The following TMEM184A variants were observed in gnomAD, a reference collection of about 807,000 sequenced individuals.
TMEM184A encodes the protein sexually dimorphic, expressed in male gonads 1.
A neutral mutation model predicts 39.5 loss-of-function variants in TMEM184A; 40 were observed. That is an observed-to-expected ratio of 1.01 (90% CI 0.79 to 1.32). The LOEUF is 1.32. Ranked by LOEUF, TMEM184A falls within the 40% of genes most tolerant of loss-of-function variation. The pLI, the probability that TMEM184A is intolerant of heterozygous loss-of-function variation, is 0.00. For missense variants in TMEM184A, 603 were observed against 568.8 expected, an observed-to-expected ratio of 1.06 and a Z score of -0.61; for synonymous variants, 280 against 252.3, an observed-to-expected ratio of 1.11 and a Z score of -1.04.
Position 1,543,932 on chromosome 7 carries a change from C to T in TMEM184A, c.*3020G>A, listed in dbSNP as rs1271956863. On this transcript the variant is annotated 3_prime_UTR_variant, in exon 9 of 9. Coordinates refer to ENST00000297477, the MANE Select transcript of TMEM184A (RefSeq NM_001097620.2). ...ACAGGTGTGAGCCACTGCACCCGAT[C>T]ATAATCCCAACTCGCAGCATCTGTG... 2 of 152,270 alleles carry T rather than the reference C, an allele frequency of 1.3e-5. No homozygotes were observed. The highest frequency in any genetic ancestry group is 4.8e-5 in the African/African-American group (2 of 41,438). The allele number at this position is 152,270 out of a possible 1,614,324, so 9.4% of individuals were successfully genotyped here. A position where few individuals can be genotyped will look rare whatever the true frequency, so the allele number is the denominator to read the frequency against.
Position 1,555,408 on chromosome 7 carries a change from G to C in TMEM184A, c.77C>G (p.Pro26Arg). 6.2e-7 allele frequency: 1 copy of C among 1,611,684 alleles called. No individual in the cohort carries two copies. The highest frequency in any genetic ancestry group is 8.5e-7 in the Non-Finnish European group (1 of 1,179,616). Residue 26 changes from proline to arginine, a missense_variant, in exon 2 of 9, where the codon CCA (proline) becomes CGA (arginine). Coordinates refer to ENST00000297477, the MANE Select transcript of TMEM184A (RefSeq NM_001097620.2). This position sits in a 1 kb window ranked among gnomAD's most constrained non-coding sequence, Gnocchi z 5.2. Reference protein sequence around the residue: ...VSANWPQPSPPPAVPAGPQMD... With the variant: ...VSANWPQPSPRPAVPAGPQMD... ...CTGCGGCCCAGCTGGCACAGCCGGTGGGGGGCTGGGCTGCGGCCAGTTCGC... is the reference window on the plus strand; with the variant it reads ...CTGCGGCCCAGCTGGCACAGCCGGTCGGGGGCTGGGCTGCGGCCAGTTCGC...
chr7:1,547,188 G>T lies in TMEM184A; in HGVS notation c.1013-7C>A. 2 of 1,543,014 alleles carry T rather than the reference G, an allele frequency of 1.3e-6. No individual in the cohort carries two copies. The highest frequency in any genetic ancestry group is 1.8e-6 in the Non-Finnish European group (2 of 1,129,304). Reference sequence around the variant, plus strand: ...TGCATGGGTGCCGGGGGGGCTGGGGGAGGGCAGTGTATGAGCCCCACCATC... The same window carrying T: ...TGCATGGGTGCCGGGGGGGCTGGGGTAGGGCAGTGTATGAGCCCCACCATC... On this transcript the variant is annotated splice_polypyrimidine_tract_variant and splice_region_variant and intron_variant, in intron 8 of 8. Coordinates refer to ENST00000297477, the MANE Select transcript of TMEM184A (RefSeq NM_001097620.2).
chr7:1,547,986 A>C (rs949728998), intron 7 of TMEM184A, 47 bp from the exon 8 acceptor site: 2 of 1,533,416 alleles, frequency 1.3e-6, no homozygotes, highest in Admixed American at 2.0e-5. Context: ...CGGGGTCTGC[A>C]GGGGAGGAAG....
At position 1,542,695 on chromosome 7, in the gene TMEM184A, G is replaced by A. The variant is rs544041187; in HGVS notation, c.*4257C>T. On this transcript the variant is annotated 3_prime_UTR_variant, in exon 9 of 9. Transcript: ENST00000297477. The stretch of plus-strand genomic sequence containing the variant: ...GGATTTTTTTATTTAAGAAAAAGAC[G>A]AGGGACTCTTTGTCACGTGGGTTTG... 1.3e-5 allele frequency: 2 copies of A among 152,604 alleles called. No individual in the cohort carries two copies. The highest frequency in any genetic ancestry group is 2.1e-4 in the South Asian group (1 of 4,826). The allele number at this position is 152,604 out of a possible 1,614,324, so 9.5% of individuals were successfully genotyped here. A position where few individuals can be genotyped will look rare whatever the true frequency, so the allele number is the denominator to read the frequency against.
rs989582029 is a variant in TMEM184A at position 1,548,701 on chromosome 7, G to A, written c.645-13C>T. 9 of 1,611,106 alleles carry A rather than the reference G, an allele frequency of 5.6e-6. No homozygotes were observed. The highest frequency in any genetic ancestry group is 7.6e-6 in the Non-Finnish European group (9 of 1,179,042). ...GCCGCTGCGGACACTAGGACAGACG[G>A]GGGCTGTGGTCAGGGCGGTCCCATG... On this transcript the variant is annotated splice_polypyrimidine_tract_variant and intron_variant, in intron 6 of 8. Transcript: ENST00000297477.
rs375070534 is a variant in TMEM184A, at chr7:1,550,109, G to A, written c.552+14C>T. 1.8e-4 allele frequency: 295 copies of A among 1,595,644 alleles called. No homozygotes were observed. Among genetic ancestry groups the A allele is most frequent in the Non-Finnish European group, 2.3e-4 (270 of 1,172,572 alleles). On this transcript the variant is annotated intron_variant, in intron 5 of 8. Coordinates refer to ENST00000297477, the MANE Select transcript of TMEM184A (RefSeq NM_001097620.2). ...GGGTGGGAGGAGGGCGGGCAGGGCT[G>A]GGTGGCCCCTCACCTGCTTACAGAA...
At position 1,544,222 on chromosome 7, in the gene TMEM184A, C is replaced by G. The variant is rs1014990830; in HGVS notation, c.*2730G>C. 2.0e-5 allele frequency: 3 copies of G among 152,228 alleles called. No individual in the cohort carries two copies. The highest frequency in any genetic ancestry group is 4.4e-5 in the Non-Finnish European group (3 of 68,070). The allele number at this position is 152,228 out of a possible 1,614,324, so 9.4% of individuals were successfully genotyped here. ...GAGTTGGGGGCACAGAGCCCCAGCC[C>G]TGTGTGGGGCTCCTGGAGGCTGCGG... On this transcript the variant is annotated 3_prime_UTR_variant, in exon 9 of 9. Transcript: ENST00000297477.
In TMEM184A at chr7:1,550,283, GGCTCT is replaced by G. The variant is rs746922206; in HGVS notation, c.476+17_476+21del. 11 of 1,611,448 alleles carry G rather than the reference GGCTCT, an allele frequency of 6.8e-6. No individual in the cohort carries two copies. Among genetic ancestry groups the G allele is most frequent in the African/African-American group, 1.3e-5 (1 of 74,852 alleles). On this transcript the variant is annotated intron_variant, in intron 4 of 8. Transcript: ENST00000297477. ...CTGTCCCAGGTGTGTGGGGTGTGGG[GGCTCT>G]GGGGTGACGGGCTTACTTGATGGGC...
rs181643583 is a variant in TMEM184A, at chr7:1,555,842, C to G, written c.-1+272G>C. On this transcript the variant is annotated intron_variant, in intron 1 of 8. Transcript: ENST00000297477. This position sits in a 1 kb window ranked among gnomAD's most constrained non-coding sequence, Gnocchi z 5.2. ...GGGAACCCCTGCCGCCCTGCCTGCC[C>G]GGGAGGGCTGGGGAGCGGGCGCAGA... is the stretch of plus-strand genomic sequence containing the variant. The G allele has an allele frequency of 1.6e-4, 52 of 327,890 alleles. No homozygotes were observed. The highest frequency in any genetic ancestry group is 9.6e-4 in the African/African-American group (43 of 44,928). 20.3% of individuals were successfully genotyped at this position (327,890 alleles called of 1,614,324 possible).
chr7:1,544,337 G>C lies in TMEM184A; in HGVS notation c.*2615C>G, dbSNP rs10273306. The C allele has an allele frequency of 1, 152,297 of 152,458 alleles. 76,069 individuals carry two copies. Among genetic ancestry groups the C allele is most frequent in the Middle Eastern group, 1 (298 of 298 alleles). 9.4% of individuals were successfully genotyped at this position (152,458 alleles called of 1,614,324 possible). A position where few individuals can be genotyped will look rare whatever the true frequency, so the allele number is the denominator to read the frequency against. ...GGCCAGGGCCCCCAGGGCTTCCACC[G>C]TTTCTTGTGGATGCTGGGGATTTTC... On this transcript the variant is annotated 3_prime_UTR_variant, in exon 9 of 9. Coordinates refer to ENST00000297477, the MANE Select transcript of TMEM184A (RefSeq NM_001097620.2).
chr7:1,550,653 T>G (rs1784553045), intron 3 of TMEM184A, among the ~76,000 whole-genome samples, 164 bp downstream of exon 3: 1 of 152,014 alleles, frequency 6.6e-6, no homozygotes, highest in Non-Finnish European at 1.5e-5. Flanking sequence ...CAGTCGTGTG[T>G]TCCAGGCCTG....
At position 1,546,779 on chromosome 7, in the gene TMEM184A, G is replaced by A; in HGVS notation, c.*173C>T. 1 of 550,422 alleles carries A rather than the reference G, an allele frequency of 1.8e-6. No homozygotes were observed. The highest frequency in any genetic ancestry group is 3.2e-6 in the Non-Finnish European group (1 of 317,318). 34.1% of individuals were successfully genotyped at this position (550,422 alleles called of 1,614,324 possible). ...ACCTGGGTGCCTGCCAGGGCCATCAGGTGCCCTGACCCCCTGGCTGGAGGG... is the reference window on the plus strand; with the variant it reads ...ACCTGGGTGCCTGCCAGGGCCATCAAGTGCCCTGACCCCCTGGCTGGAGGG... On this transcript the variant is annotated 3_prime_UTR_variant, in exon 9 of 9. Transcript: ENST00000297477.
intron 2 of TMEM184A, among the ~76,000 whole-genome samples, chr7:1,554,251 G>A (rs886676549): frequency 6.6e-6 from 1 of 152,152 alleles, no homozygotes; most frequent in Non-Finnish European, 1.5e-5. Context: ...TTAATAAACT[G>A]TCACTGAGAT....
At chr7:1,548,819 C>T (rs951946034) in intron 6 of TMEM184A, 131 bp from the exon 7 acceptor site, 2 of 1,066,638 alleles carry the variant, frequency 1.9e-6, no homozygotes, top group Non-Finnish European at 2.8e-6. Context: ...TGCAGGGATC[C>T]TGCCCCGATC....
chr7:1,553,488 TACAGGGTCTTTGAG>T (rs1270670563), intron 2 of TMEM184A, among the ~76,000 whole-genome samples: 2 of 152,132 alleles, frequency 1.3e-5, no homozygotes, highest in Admixed American at 1.3e-4. Flanking sequence ...ACAACTCAAC[TACAGGGTCTTTGAG>T]ACAGGGTCAG....
chr7:1,550,154 T>A lies in TMEM184A; in HGVS notation c.521A>T (p.Tyr174Phe). Residue 174 changes from tyrosine (Y) to phenylalanine (F), a missense_variant, in exon 5 of 9, where the codon TAC (tyrosine) becomes TTC (phenylalanine). By Grantham distance (22) the Tyr-to-Phe change is conservative. Transcript: ENST00000297477. The stretch of plus-strand genomic sequence containing the variant: ...ACAGAAGCGCAGGAACCCGATGGAG[T>A]AGGTCATGCCCCGGAGGCAGCAGGT... ...YGTCCLRGMT[Y>F]SIGFLRFCKQ... is the part of the protein sequence containing the mutation. 2 of 1,607,096 alleles carry A rather than the reference T, an allele frequency of 1.2e-6. No homozygotes were observed. The highest frequency in any genetic ancestry group is 1.7e-6 in the Non-Finnish European group (2 of 1,177,700).
chr7:1,552,312 G>A (rs1230296787), intron 2 of TMEM184A, among the ~76,000 whole-genome samples: 2 of 152,122 alleles, frequency 1.3e-5, no homozygotes, highest in Non-Finnish European at 1.5e-5. Flanking sequence ...AATCAAAATT[G>A]TATGCATTTA....
chr7:1,554,968 C>G (rs756851154), intron 2 of TMEM184A, among the ~76,000 whole-genome samples: 41 of 152,178 alleles, frequency 2.7e-4, no homozygotes, highest in Admixed American at 2.6e-4. Flanking sequence ...GAGACTCAGT[C>G]TTCTTGTCTG....
chr7:1,548,943 C>T (rs1467980534), intron 6 of TMEM184A: 18 of 641,432 alleles, frequency 2.8e-5, no homozygotes, highest in Middle Eastern at 2.4e-4. Flanking sequence ...TGCTCCTCCT[C>T]GTCCCAGGAT....
Sources: allele counts gnomAD v4.1 joint callset (sites outside exome capture counted in the v4.1 genomes callset), GRCh38; gene constraint gnomAD v4.1.1; non-coding constraint Gnocchi (gnomAD v3.1); transcripts MANE v1.5; gene names NCBI Gene and HGNC (gene_info 2026-07-23, HGNC 2026-07-21).